The following DPP6 variants were observed in gnomAD, a reference collection of about 807,000 sequenced individuals.
DPP6 encodes the protein A-type potassium channel modulatory protein DPP6.
In DPP6, 69 loss-of-function variants were observed where a neutral mutation model predicts 122.6. The observed-to-expected ratio is 0.56, with a 90% CI of 0.46 to 0.69. The LOEUF is 0.69. DPP6 is among the 30% of genes least tolerant of loss of function. DPP6 has a pLI of 0.00. For synonymous variants in DPP6, 418 were observed against 433.1 expected (o/e 0.97, Z 0.43); for missense variants, 928 against 1,116.9 (o/e 0.83, Z 2.41).
chr7:153,759,915 G>GTC, the DPP6 span, among the ~76,000 whole-genome samples: 7,525 of 128,012 alleles, frequency 0.059, 175 homozygotes, highest in Non-Finnish European at 0.066. Context: ...CTCTGTTTCT[G>GTC]TCTCTCTCTC....
intron 1 of DPP6, among the ~76,000 whole-genome samples, chr7:153,986,323 A>G (rs1412181356): frequency 1.3e-5 from 2 of 152,020 alleles, no homozygotes; most frequent in Non-Finnish European, 2.9e-5. Flanking sequence ...TAGAGAAGCT[A>G]TCTTTCTATT....
intron 8 of DPP6, among the ~76,000 whole-genome samples, chr7:154,748,482 A>G (rs867540645): frequency 6.6e-5 from 10 of 152,300 alleles, no homozygotes; most frequent in Middle Eastern, 3.4e-3. Context: ...TGGAACCCAG[A>G]GCACTGTTTG....
In DPP6 at chr7:154,611,823, C is replaced by T. The variant is rs564624582; in HGVS notation, c.628-25998C>T. Among the ~76,000 whole-genome samples, 4 of 150,320 alleles carry T rather than the reference C, an allele frequency of 2.7e-5. No homozygotes were observed. The South Asian group carries it at 8.7e-4, about 33-fold the overall frequency. ...AACCAAGATGTTGACATCAACTAAT[C>T]TTATTTAGATTTCTCCATTTTGCTT... is the stretch of plus-strand genomic sequence containing the variant. On this transcript the variant is annotated intron_variant, in intron 5 of 25. Transcript: ENST00000377770.
chr7:154,199,686 T>G (rs898036271), intron 1 of DPP6, among the ~76,000 whole-genome samples: 3 of 151,958 alleles, frequency 2.0e-5, no homozygotes, highest in Admixed American at 1.3e-4. Flanking sequence ...CCTGGCTCAC[T>G]GCAAGGTCCG....
chr7:154,803,301 T>G (rs1798491720), intron 13 of DPP6, among the ~76,000 whole-genome samples: 1 of 152,228 alleles, frequency 6.6e-6, no homozygotes, highest in South Asian at 2.1e-4. Flanking sequence ...TCGTTACCAT[T>G]GTCTGTTACC....
At chr7:153,976,643 G>A (rs932207010) in intron 1 of DPP6, among the ~76,000 whole-genome samples, 15 of 152,308 alleles carry the variant, frequency 9.8e-5, no homozygotes, top group African/African-American at 3.6e-4. Context: ...CAGGTTGGGA[G>A]GGCAAGAAAT....
At position 154,063,488 on chromosome 7, in the gene DPP6, T is replaced by TC. The variant is rs1284774285; in HGVS notation, c.243+10432dup. On this transcript the variant is annotated intron_variant, in intron 1 of 25. Coordinates refer to ENST00000377770, the MANE Select transcript of DPP6 (RefSeq NM_130797.4). ...GCAGGGACTGAGAGCCATTCCCTCTTCCCCCCCTGGCTCTTAAGACCCCCA... is the reference window on the plus strand; with the variant it reads ...GCAGGGACTGAGAGCCATTCCCTCTTCCCCCCCCTGGCTCTTAAGACCCCCA... 9.3e-4 allele frequency among the ~76,000 whole-genome samples: 103 copies of TC among 111,284 alleles called. 5 individuals carry two copies. Among genetic ancestry groups the TC allele is most frequent in the African/African-American group, 3.2e-3 (97 of 30,546 alleles). 73.0% of individuals were successfully genotyped at this position (111,284 alleles called of 152,430 possible).
At chr7:154,370,792 G>A (rs896124323) in intron 1 of DPP6, among the ~76,000 whole-genome samples, 2 of 152,134 alleles carry the variant, frequency 1.3e-5, no homozygotes, top group Non-Finnish European at 2.9e-5. Context: ...TTTTACTGAT[G>A]ATGTTTCACC....
chr7:154,154,042 TC>T (rs1315733695), intron 1 of DPP6, among the ~76,000 whole-genome samples: 5 of 152,220 alleles, frequency 3.3e-5, no homozygotes, highest in Non-Finnish European at 7.3e-5. Context: ...TTCCTTCAAT[TC>T]CCATCAGCCA....
At chr7:154,445,003 T>G (rs1293704471) in intron 1 of DPP6, among the ~76,000 whole-genome samples, 1 of 152,226 alleles carries the variant, frequency 6.6e-6, no homozygotes, top group African/African-American at 2.4e-5. Flanking sequence ...AAGCCTATAA[T>G]GGCCCCATGA....
At chr7:153,923,760 CAAAAAAAAAAAAA>C (rs1158548494) in intron 1 of DPP6, among the ~76,000 whole-genome samples, 1 of 46,798 alleles carries the variant, frequency 2.1e-5, no homozygotes, top group East Asian at 5.9e-4. Flanking sequence ...GACTCCATCT[CAAAAAAAAAAAAA>C]AAAAAAAAAG....
At chr7:154,693,276 C>G (rs3807246) in intron 7 of DPP6, among the ~76,000 whole-genome samples, 2 of 152,112 alleles carry the variant, frequency 1.3e-5, no homozygotes, top group East Asian at 1.9e-4. Flanking sequence ...CTGACGTGGC[C>G]GAGAAGGAAG....
At chr7:154,475,213 G>A (rs781762719) in intron 3 of DPP6, 176 bp downstream of exon 3, 2 of 625,690 alleles carry the variant, frequency 3.2e-6, no homozygotes, top group African/African-American at 3.6e-5. Context: ...TGTGTATCTG[G>A]TAAAATCAGG....
At chr7:154,667,614 T>G (rs1838246909) in intron 6 of DPP6, among the ~76,000 whole-genome samples, 1 of 152,050 alleles carries the variant, frequency 6.6e-6, no homozygotes, top group Admixed American at 6.5e-5. Flanking sequence ...TCCCAGCTAC[T>G]TGGGAGGCTG....
the DPP6 span, among the ~76,000 whole-genome samples, chr7:153,826,657 A>G: frequency 6.6e-6 from 1 of 152,200 alleles, no homozygotes; most frequent in African/African-American, 2.4e-5. Context: ...TCTAAGTATT[A>G]TCACCCTGAT....
intron 1 of DPP6, among the ~76,000 whole-genome samples, chr7:154,099,472 G>T (rs1337848088): frequency 6.6e-6 from 1 of 152,024 alleles, no homozygotes; most frequent in African/African-American, 2.4e-5. Context: ...GAATATAGAG[G>T]GTCAGGGAAA....
intron 3 of DPP6, among the ~76,000 whole-genome samples, chr7:154,517,522 G>A (rs537393679): frequency 2.0e-5 from 3 of 152,204 alleles, no homozygotes. Flanking sequence ...CATTAGTGAG[G>A]TAGGCCTGTG....
intron 2 of DPP6, among the ~76,000 whole-genome samples, chr7:154,455,265 A>G (rs1488450914): frequency 6.6e-6 from 1 of 152,116 alleles, no homozygotes; most frequent in African/African-American, 2.4e-5. Context: ...CTGTAACCAT[A>G]TTGCATGGCT....
chr7:154,631,483 A>C (rs1835403934), intron 5 of DPP6, among the ~76,000 whole-genome samples: 1 of 151,076 alleles, frequency 6.6e-6, no homozygotes, highest in African/African-American at 2.4e-5. Flanking sequence ...AGCAGTGTAG[A>C]CTTTGCTTGT....
Sources: gnomAD v4.1 joint callset for allele counts (sites outside exome capture counted in the v4.1 genomes callset) on GRCh38, gnomAD v4.1.1 for gene constraint, MANE v1.5 for transcripts, NCBI Gene and HGNC (gene_info 2026-07-23, HGNC 2026-07-21) for gene names.